CEP350: variants seen among roughly 807,000 people sequenced by gnomAD.
CEP350 encodes centrosome-associated protein 350.
In CEP350, 126 loss-of-function variants were observed where a neutral mutation model predicts 331.8. The observed-to-expected ratio is 0.38, with a 90% confidence interval of 0.33 to 0.44. The LOEUF is 0.44. CEP350 is among the 20% of genes least tolerant of loss of function. The probability of loss-of-function intolerance (pLI) is 1.00; values close to 1 mark genes in which losing one functional copy is unlikely to be tolerated. For synonymous variants in CEP350, 1,200 were observed against 1,259.5 expected, an observed-to-expected ratio of 0.95 and a Z score of 1.00; for missense variants, 3,406 against 3,634.6, an observed-to-expected ratio of 0.94 and a Z score of 1.62.
chr1:179,959,729 A>G (rs1319750719), intron 1 of CEP350, among the ~76,000 whole-genome samples: 2 of 152,192 alleles, frequency 1.3e-5, no homozygotes, highest in Non-Finnish European at 2.9e-5. Context: ...ACTCCAGCCT[A>G]GGTGACAGAG....
At chr1:180,100,388 T>C (rs1263390029) in intron 37 of CEP350, among the ~76,000 whole-genome samples, 1 of 152,244 alleles carries the variant, frequency 6.6e-6, no homozygotes, top group Non-Finnish European at 1.5e-5. Context: ...TGAATTGTTA[T>C]TAATTTCCAA....
intron 21 of CEP350, among the ~76,000 whole-genome samples, chr1:180,047,685 C>T: frequency 6.8e-6 from 1 of 146,364 alleles, no homozygotes; most frequent in East Asian, 2.0e-4. Context: ...TCTCTTGAAT[C>T]CAGGAAGTGG....
intron 31 of CEP350, 65 bp from the exon 32 acceptor site, chr1:180,087,513 T>C: frequency 1.4e-6 from 2 of 1,393,620 alleles, no homozygotes; most frequent in South Asian, 2.9e-5. Context: ...AAATATACTA[T>C]TTTATAATTT....
At chr1:179,958,670 A>G (rs544006339) in intron 1 of CEP350, among the ~76,000 whole-genome samples, 53 of 152,316 alleles carry the variant, frequency 3.5e-4, no homozygotes, top group Admixed American at 2.6e-4. Flanking sequence ...TGGATATACT[A>G]GTAGTTCTCA....
At chr1:180,062,697 G>A (rs1243177939) in intron 26 of CEP350, among the ~76,000 whole-genome samples, 1 of 152,156 alleles carries the variant, frequency 6.6e-6, no homozygotes, top group Non-Finnish European at 1.5e-5. Context: ...CACATGACAA[G>A]GGGGCTGAGT....
rs187438977 is a variant in CEP350 at position 179,962,297 on chromosome 1, A to G, written c.-14+7155A>G. ...GCTTAGGATAATGACCTCCAGCTGC[A>G]TCCATGTTGCTCCAAAGGACATGAT... On this transcript the variant is annotated intron_variant, in intron 1 of 37. Coordinates refer to ENST00000367607, the MANE Select transcript of CEP350 (RefSeq NM_014810.5). 5.3e-5 allele frequency among the ~76,000 whole-genome samples: 8 copies of G among 152,310 alleles called. No homozygotes were observed. The East Asian group carries it at 1.5e-3, about 29-fold the overall frequency.
chr1:180,035,511 C>T (rs1234765384), intron 16 of CEP350, among the ~76,000 whole-genome samples: 4 of 152,114 alleles, frequency 2.6e-5, no homozygotes, highest in Non-Finnish European at 5.9e-5. Flanking sequence ...AGCTAATGCT[C>T]ATTTACCATT....
rs777586215 is a variant in CEP350, at chr1:180,094,432, C to A, written c.8327C>A (p.Thr2776Asn). 11 of 1,613,690 alleles carry A rather than the reference C, an allele frequency of 6.8e-6. No individual in the cohort carries two copies. The highest frequency in any genetic ancestry group is 2.2e-5 in the East Asian group (1 of 44,870). The change falls in exon 34 of 38, where the codon ACC (threonine) becomes AAC (asparagine). Residue 2776 changes from threonine to asparagine, a missense_variant. Around this residue, in one of 5 missense-constraint regions of CEP350, gnomAD observed 1,415 missense variants for 1,512.3 expected, o/e 0.94. Transcript: ENST00000367607. Reference protein sequence around the residue: ...TVNQLQQIKKTRDEKIQLSNQ... With the variant: ...TVNQLQQIKKNRDEKIQLSNQ... ...AATCAACTACAACAAATCAAAAAAA[C>A]CAGGGATGAGAAAATCCAGCTTAGC...
At chr1:179,968,860 G>T in intron 1 of CEP350, 1 of 736,294 alleles carries the variant, frequency 1.4e-6, no homozygotes, top group Non-Finnish European at 2.5e-6. Flanking sequence ...TGAAAACCCC[G>T]CTGATGTCAG....
intron 22 of CEP350, 134 bp downstream of exon 22, chr1:180,048,839 T>A: frequency 1.5e-6 from 1 of 688,650 alleles, no homozygotes; most frequent in Non-Finnish European, 2.4e-6. Flanking sequence ...GAGGCTGAGC[T>A]GGGAGAATTG....
intron 37 of CEP350, among the ~76,000 whole-genome samples, chr1:180,105,935 A>G (rs895187316): frequency 2.6e-5 from 4 of 152,212 alleles, no homozygotes; most frequent in Non-Finnish European, 4.4e-5. Flanking sequence ...ATAATTTTTT[A>G]GACATAAAGG....
At chr1:180,064,407 A>G (rs1658422064) in intron 26 of CEP350, among the ~76,000 whole-genome samples, 1 of 151,802 alleles carries the variant, frequency 6.6e-6, no homozygotes, top group African/African-American at 2.4e-5. Flanking sequence ...TTAACTGTTC[A>G]AGAGGAAGAA....
intron 1 of CEP350, among the ~76,000 whole-genome samples, chr1:179,967,147 A>G (rs931574787): frequency 2.0e-5 from 3 of 152,190 alleles, no homozygotes; most frequent in Non-Finnish European, 2.9e-5. Flanking sequence ...CTATTTTTGT[A>G]TGATAAGTTA....
intron 26 of CEP350, among the ~76,000 whole-genome samples, chr1:180,063,763 T>A (rs1658384213): frequency 6.6e-6 from 1 of 152,144 alleles, no homozygotes; most frequent in South Asian, 2.1e-4. Context: ...CAGTAAGCTG[T>A]GACCACACCA....
chr1:180,093,043 A>G lies in CEP350; in HGVS notation c.6938A>G (p.Asp2313Gly). The G allele has an allele frequency of 6.2e-7, 1 of 1,606,172 alleles. No individual in the cohort carries two copies. ...TTAGATTCTGAAAATGTTCAGAAAG[A>G]CCTAGTTGGATTAGCTATTGAAAAT... ...LPLDSENVQK[D>G]LVGLAIENLH... Residue 2313 changes from aspartate to glycine, a missense_variant, in exon 34 of 38, where the codon GAC becomes GGC. Physicochemically the swap from Asp to Gly is moderately conservative, Grantham distance 94 (BLOSUM62 -1). Around this residue, in one of 5 missense-constraint regions of CEP350, gnomAD observed 1,415 missense variants for 1,512.3 expected, o/e 0.94. Coordinates refer to ENST00000367607, the MANE Select transcript of CEP350 (RefSeq NM_014810.5).
intron 27 of CEP350, among the ~76,000 whole-genome samples, chr1:180,071,373 C>T (rs1032183302): frequency 2.0e-5 from 3 of 149,716 alleles, no homozygotes; most frequent in Non-Finnish European, 4.4e-5. Flanking sequence ...GCAGGAGAAT[C>T]TCTTGAACCC....
intron 21 of CEP350, among the ~76,000 whole-genome samples, chr1:180,045,367 G>T (rs1378716449): frequency 6.6e-6 from 1 of 151,956 alleles, no homozygotes; most frequent in African/African-American, 2.4e-5. Context: ...TTGAATAGCT[G>T]TCATTGGTAG....
chr1:180,028,078 C>T (rs1191845967), intron 14 of CEP350, among the ~76,000 whole-genome samples: 1 of 152,144 alleles, frequency 6.6e-6, no homozygotes, highest in African/African-American at 2.4e-5. Context: ...TTGTGAAATA[C>T]AAGTTTAGTG....
At chr1:180,038,147 G>C (rs1656497142) in intron 17 of CEP350, among the ~76,000 whole-genome samples, 2 of 152,182 alleles carry the variant, frequency 1.3e-5, no homozygotes. Flanking sequence ...ATAAAAGGAA[G>C]TGTACTTTGA....
Sources: allele counts gnomAD v4.1 joint callset (sites outside exome capture counted in the v4.1 genomes callset), GRCh38; gene constraint gnomAD v4.1.1; regional missense constraint gnomAD v4.1.1; transcripts MANE v1.5; gene names NCBI Gene and HGNC (gene_info 2026-07-23, HGNC 2026-07-21).